ANO3: variants seen among roughly 807,000 people sequenced by gnomAD.
ANO3 encodes the protein anoctamin 3, also known as anoctamin-3.
ANO3 carries 99 observed loss-of-function variants against 144.8 expected under a neutral mutation model. The observed-to-expected ratio is 0.68, with a 90% CI of 0.58 to 0.81. The LOEUF (loss-of-function observed/expected upper bound fraction) is 0.81, where lower values mean the gene tolerates loss of function less well. Ranked by LOEUF, ANO3 falls within the 30% of genes least tolerant of loss-of-function variation. The probability of loss-of-function intolerance (pLI) is 0.00; values close to 1 mark genes in which losing one functional copy is unlikely to be tolerated. For synonymous variants in ANO3, 414 were observed against 392.6 expected (o/e 1.05, Z -0.64); for missense variants, 905 against 1,202.2 (o/e 0.75, Z 3.66).
chr11:26,603,875 C>T (rs1327851086), intron 17 of ANO3, among the ~76,000 whole-genome samples: 1 of 152,030 alleles, frequency 6.6e-6, no homozygotes, highest in Non-Finnish European at 1.5e-5. Context: ...ATGTTTTAAA[C>T]ATATGTATGT....
chr11:26,267,308 T>C (rs1167983322), intron 1 of ANO3, among the ~76,000 whole-genome samples: 1 of 152,108 alleles, frequency 6.6e-6, no homozygotes, highest in African/African-American at 2.4e-5. Flanking sequence ...ATGCAGAGTG[T>C]TTGTGACGAT....
At chr11:26,393,822 A>T (rs1480976609) in intron 1 of ANO3, among the ~76,000 whole-genome samples, 1 of 152,186 alleles carries the variant, frequency 6.6e-6, no homozygotes, top group African/African-American at 2.4e-5. Context: ...CTTCACATAA[A>T]TAGTTGATGC....
At chr11:26,322,454 T>A in intron 1 of ANO3, among the ~76,000 whole-genome samples, 1 of 152,138 alleles carries the variant, frequency 6.6e-6, no homozygotes, top group East Asian at 1.9e-4. Context: ...TCATATTGGT[T>A]AGTCCATTAC....
chr11:26,304,772 A>G (rs1854334144), upstream of ANO3, among the ~76,000 whole-genome samples: 1 of 152,210 alleles, frequency 6.6e-6, no homozygotes, highest in African/African-American at 2.4e-5. Context: ...GGCAACAAAC[A>G]TCAGTTAATC....
At chr11:26,557,147 T>C (rs1478544592) in intron 13 of ANO3, among the ~76,000 whole-genome samples, 1 of 152,052 alleles carries the variant, frequency 6.6e-6, no homozygotes, top group Non-Finnish European at 1.5e-5. Flanking sequence ...CTTCTTTATA[T>C]ATTATGCCTA....
chr11:26,197,338 A>ATTTTTGTTTTTG (rs200915667), intron 1 of ANO3, among the ~76,000 whole-genome samples: 13 of 151,740 alleles, frequency 8.6e-5, no homozygotes, highest in African/African-American at 2.9e-4. Flanking sequence ...GTAGTTTAAT[A>ATTTTTGTTTTTG]TTTTTGTTTT....
intron 3 of ANO3, among the ~76,000 whole-genome samples, chr11:26,450,735 C>T (rs1858900165): frequency 6.6e-6 from 1 of 151,224 alleles, no homozygotes; most frequent in South Asian, 2.1e-4. Context: ...TGTTGTGAGA[C>T]TCAAATTAGA....
chr11:26,494,319 A>G (rs1860839085), intron 4 of ANO3, among the ~76,000 whole-genome samples: 1 of 152,160 alleles, frequency 6.6e-6, no homozygotes, highest in South Asian at 2.1e-4. Context: ...TCATTCAGCT[A>G]GCACCTAAGA....
intron 14 of ANO3, chr11:26,565,510 C>G (rs751505986): frequency 9.9e-6 from 16 of 1,613,276 alleles, no homozygotes; most frequent in Non-Finnish European, 1.4e-5. Flanking sequence ...ACTTTAGAAA[C>G]AAAGCTATGG....
chr11:26,260,621 T>C (rs1156336140), intron 1 of ANO3, among the ~76,000 whole-genome samples: 1 of 152,268 alleles, frequency 6.6e-6, no homozygotes, highest in East Asian at 1.9e-4. Context: ...AAGATCCTGA[T>C]CTTAACCAAG....
chr11:26,377,789 A>G (rs758242082), intron 1 of ANO3, among the ~76,000 whole-genome samples: 11 of 152,228 alleles, frequency 7.2e-5, no homozygotes, highest in Admixed American at 2.0e-4. Context: ...AAGAGAAATG[A>G]TTACCTACAA....
intron 19 of ANO3, 56 bp downstream of exon 19, chr11:26,634,371 T>C: frequency 9.0e-7 from 1 of 1,112,492 alleles, no homozygotes; most frequent in South Asian, 1.3e-5. Flanking sequence ...GTCAATAGTT[T>C]AATTGACGAT....
rs1852912847 is a variant in ANO3, at chr11:26,635,178, T to C, written c.2043+108T>C. The C allele has an allele frequency of 3.2e-6, 3 of 942,644 alleles. No homozygotes were observed. The South Asian group carries it at 4.8e-5, about 15-fold the overall frequency. 58.4% of individuals were successfully genotyped at this position (942,644 alleles called of 1,614,324 possible). On this transcript the variant is annotated intron_variant, in intron 20 of 26. Coordinates refer to ENST00000256737, the MANE Select transcript of ANO3 (RefSeq NM_031418.4). Reference sequence around the variant, plus strand: ...AGAAGTTCAGGGAACTTTATGGATATTGAAGACGACACATTGTTCAGAAAG... The same window carrying C: ...AGAAGTTCAGGGAACTTTATGGATACTGAAGACGACACATTGTTCAGAAAG...
At chr11:26,526,367 G>A (rs917817254) in intron 7 of ANO3, among the ~76,000 whole-genome samples, 3 of 152,134 alleles carry the variant, frequency 2.0e-5, no homozygotes, top group African/African-American at 7.2e-5. Flanking sequence ...TTTAATGAAT[G>A]CTCAAAGAAA....
intron 14 of ANO3, among the ~76,000 whole-genome samples, chr11:26,595,324 A>G (rs923333730): frequency 3.9e-5 from 6 of 152,226 alleles, no homozygotes; most frequent in East Asian, 3.9e-4. Flanking sequence ...TGAGTCCTAG[A>G]GCTGGGCTGG....
intron 4 of ANO3, among the ~76,000 whole-genome samples, chr11:26,473,491 A>T (rs1023194072): frequency 6.6e-6 from 1 of 151,872 alleles, no homozygotes; most frequent in Non-Finnish European, 1.5e-5. Context: ...TTTCCATTAT[A>T]CCTTTCTCCA....
At chr11:26,199,593 C>T (rs1237614975) in intron 1 of ANO3, among the ~76,000 whole-genome samples, 4 of 152,150 alleles carry the variant, frequency 2.6e-5, no homozygotes, top group Non-Finnish European at 4.4e-5. Flanking sequence ...GATTCTTTTA[C>T]ACTCTGAGAA....
intron 14 of ANO3, among the ~76,000 whole-genome samples, chr11:26,592,409 T>A (rs1054690333): frequency 6.6e-6 from 1 of 151,942 alleles, no homozygotes; most frequent in Non-Finnish European, 1.5e-5. Flanking sequence ...AGCGGTGCCA[T>A]TGACACTCTG....
At chr11:26,387,492 T>C (rs1042161114) in intron 1 of ANO3, among the ~76,000 whole-genome samples, 2 of 139,170 alleles carry the variant, frequency 1.4e-5, no homozygotes, top group Admixed American at 1.4e-4. Context: ...TTTTAATTTC[T>C]AAAGTTACTT....
Sources: gnomAD v4.1 joint callset for allele counts (sites outside exome capture counted in the v4.1 genomes callset) on GRCh38, gnomAD v4.1.1 for gene constraint, MANE v1.5 for transcripts, NCBI Gene and HGNC (gene_info 2026-07-23, HGNC 2026-07-21) for gene names.